Variants in PCDHGA3 observed in about 807,000 individuals in gnomAD.
The protein encoded by PCDHGA3 is protocadherin gamma-A3.
In PCDHGA3, 40 loss-of-function variants were observed where a neutral mutation model predicts 58.5. That is an observed-to-expected ratio of 0.68 (90% CI 0.53 to 0.89). The LOEUF is 0.89. PCDHGA3 is among the 40% of genes least tolerant of loss of function. The pLI is 0.00. For missense variants in PCDHGA3, 1,223 were observed against 1,195.9 expected (o/e 1.02, Z -0.33); for synonymous variants, 530 against 525.7 (o/e 1.01, Z -0.11).
chr5:141,396,870 A>G (rs536206475), intron 1 of PCDHGA3, among the ~76,000 whole-genome samples: 3 of 152,328 alleles, frequency 2.0e-5, no homozygotes, highest in African/African-American at 7.2e-5. Flanking sequence ...TACCATTTGG[A>G]TGCACATTTG....
At chr5:141,393,715 T>C in intron 1 of PCDHGA3, 1 of 1,613,746 alleles carries the variant, frequency 6.2e-7, no homozygotes, top group South Asian at 1.1e-5. Flanking sequence ...ACTGGGGAAA[T>C]ATCAATAGCA....
Position 141,489,429 on chromosome 5 carries a change from G to A in PCDHGA3, c.2425-5378G>A. 1 of 1,614,140 alleles carries A rather than the reference G, an allele frequency of 6.2e-7. No individual in the cohort carries two copies. Among genetic ancestry groups the A allele is most frequent in the Non-Finnish European group, 8.5e-7 (1 of 1,180,036 alleles). ...AGATGACAGATCTGTTGAGCCGGCG[G>A]CTGCAATTGGGCTCTGAGGAGAATG... On this transcript the variant is annotated intron_variant, in intron 1 of 3. Transcript: ENST00000253812. The surrounding 1 kb of genome is among the most constrained non-coding windows in gnomAD (Gnocchi z 4.5).
At chr5:141,370,509 G>T (rs1353191551) in intron 1 of PCDHGA3, 2 of 1,613,920 alleles carry the variant, frequency 1.2e-6, no homozygotes, top group South Asian at 1.1e-5. Flanking sequence ...CGCTATTCCC[G>T]AGGAGCTGGA....
chr5:141,389,785 A>ACGCCGTCCGCCAGCGCCTTCTGGT (rs780757695), intron 1 of PCDHGA3: 1 of 1,613,332 alleles, frequency 6.2e-7, no homozygotes, highest in South Asian at 1.1e-5. Flanking sequence ...GGCGACAGGG[A>ACGCCGTCCGCCAGCGCCTTCTGGT]CGCCGTCCGC....
rs762306215 is a variant in PCDHGA3 at position 141,374,474 on chromosome 5, C to A, written c.2424+28017C>A. On this transcript the variant is annotated intron_variant, in intron 1 of 3. Transcript: ENST00000253812. ...AATAGTGGACATTAATGACAATACA[C>A]CCCGATTCTTAAAGGAAGAATTGGA... 3.7e-6 allele frequency: 6 copies of A among 1,612,140 alleles called. No individual in the cohort carries two copies. In the African/African-American group the frequency reaches 4.0e-5, roughly 11 times the overall value.
At chr5:141,356,765 A>G (rs1019076807) in intron 1 of PCDHGA3, 3 of 1,613,966 alleles carry the variant, frequency 1.9e-6, no homozygotes, top group South Asian at 2.2e-5. Context: ...TCCTTCGACT[A>G]TGAGCAGTTT....
At chr5:141,503,325 G>A (rs1002520312) in intron 2 of PCDHGA3, among the ~76,000 whole-genome samples, 10 of 152,104 alleles carry the variant, frequency 6.6e-5, no homozygotes, top group East Asian at 1.9e-4. Flanking sequence ...GGAGGGGCGC[G>A]GTGGCTCACG....
chr5:141,360,903 G>C (rs752031820), intron 1 of PCDHGA3: 2 of 1,614,034 alleles, frequency 1.2e-6, no homozygotes, highest in East Asian at 4.5e-5. Context: ...AGGACGTGCC[G>C]CCGGGCTTCT....
chr5:141,393,630 A>T (rs1298038670), intron 1 of PCDHGA3: 7 of 1,613,976 alleles, frequency 4.3e-6, no homozygotes, highest in Non-Finnish European at 5.9e-6. Flanking sequence ...GGATGAGGGA[A>T]TCAACGGAAA....
chr5:141,362,277 C>CAAT (rs770934690), intron 1 of PCDHGA3: 12 of 1,614,048 alleles, frequency 7.4e-6, no homozygotes, highest in Non-Finnish European at 9.3e-6. Flanking sequence ...TCTCCCTGCG[C>CAAT]CTGCGACTCT....
chr5:141,421,795 GC>G, intron 1 of PCDHGA3: 1 of 1,613,818 alleles, frequency 6.2e-7, no homozygotes, highest in East Asian at 2.2e-5. Context: ...AACGGATGGG[GC>G]CAAGAATCCA....
intron 2 of PCDHGA3, among the ~76,000 whole-genome samples, chr5:141,504,713 G>A (rs1443171981): frequency 1.3e-5 from 2 of 151,850 alleles, no homozygotes; most frequent in African/African-American, 2.4e-5. Context: ...TATGGCCGTG[G>A]ATTTTACTCT....
rs974732178 is a variant in PCDHGA3 at position 141,374,708 on chromosome 5, C to A, written c.2424+28251C>A. On this transcript the variant is annotated intron_variant, in intron 1 of 3. Coordinates refer to ENST00000253812, the MANE Select transcript of PCDHGA3 (RefSeq NM_018916.4). ...GGACCGGGAAGGAGAAGCCGTTTACCGCCTGGTCCTTACTGCCATGGATGG... is the reference window on the plus strand; with the variant it reads ...GGACCGGGAAGGAGAAGCCGTTTACAGCCTGGTCCTTACTGCCATGGATGG... 1.8e-5 allele frequency: 29 copies of A among 1,609,028 alleles called. No individual in the cohort carries two copies. In the Admixed American group the frequency reaches 3.1e-4, roughly 17 times the overall value.
chr5:141,431,333 C>T lies in PCDHGA3; in HGVS notation c.2425-63474C>T. 1 of 1,614,058 alleles carries T rather than the reference C, an allele frequency of 6.2e-7. No individual in the cohort carries two copies. Among genetic ancestry groups the T allele is most frequent in the Non-Finnish European group, 8.5e-7 (1 of 1,180,030 alleles). On this transcript the variant is annotated intron_variant, in intron 1 of 3. Coordinates refer to ENST00000253812, the MANE Select transcript of PCDHGA3 (RefSeq NM_018916.4). The surrounding 1 kb of genome is among the most constrained non-coding windows in gnomAD (Gnocchi z 4.8). ...AAATGGAGCCGACGGTAGTAAGTAC[C>T]CCGAATTGGTGCTGAAACGCGCCCT...
intron 1 of PCDHGA3, among the ~76,000 whole-genome samples, chr5:141,349,087 T>C (rs1030299364): frequency 1.3e-5 from 2 of 152,182 alleles, no homozygotes; most frequent in African/African-American, 4.8e-5. Flanking sequence ...GAGAATGTTT[T>C]TGAGACAGAG....
At chr5:141,405,232 C>T (rs779259588) in intron 1 of PCDHGA3, 8 of 1,613,990 alleles carry the variant, frequency 5.0e-6, no homozygotes, top group Middle Eastern at 1.6e-4. Flanking sequence ...TCTCCCTCAC[C>T]GCTGACTCAA....
intron 1 of PCDHGA3, chr5:141,404,452 T>G (rs1197188094): frequency 2.5e-6 from 4 of 1,613,228 alleles, no homozygotes; most frequent in Non-Finnish European, 3.4e-6. Context: ...AAGGGTCTCC[T>G]CTCTCCACCT....
At chr5:141,417,503 TAA>T in intron 1 of PCDHGA3, 1 of 229,962 alleles carries the variant, frequency 4.3e-6, no homozygotes, top group East Asian at 9.7e-5. Flanking sequence ...GGAAAAAGAT[TAA>T]AATATTTTGG....
At chr5:141,473,733 G>A (rs943072050) in intron 1 of PCDHGA3, among the ~76,000 whole-genome samples, 19 of 152,214 alleles carry the variant, frequency 1.2e-4, no homozygotes, top group Admixed American at 3.9e-4. Flanking sequence ...GAGAGAGGGA[G>A]AAGACATGAG....
Sources: allele counts gnomAD v4.1 joint callset (sites outside exome capture counted in the v4.1 genomes callset), GRCh38; gene constraint gnomAD v4.1.1; non-coding constraint Gnocchi (gnomAD v3.1); transcripts MANE v1.5; gene names NCBI Gene and HGNC (gene_info 2026-07-23, HGNC 2026-07-21).